Variants in TLL1 observed in about 807,000 individuals in gnomAD.
TLL1 encodes tolloid-like protein 1.
Under a neutral mutation model 128.2 loss-of-function variants are expected in TLL1, and 49 were observed. That is an observed-to-expected ratio of 0.38 (90% confidence interval 0.30 to 0.48). The LOEUF (loss-of-function observed/expected upper bound fraction) is 0.48, where lower values mean the gene tolerates loss of function less well. Ranked by LOEUF, TLL1 falls within the 20% of genes least tolerant of loss-of-function variation. The probability of loss-of-function intolerance (pLI) is 0.96; values close to 1 mark genes in which losing one functional copy is unlikely to be tolerated. For synonymous variants in TLL1, 454 were observed against 418.8 expected (o/e 1.08, Z -1.03); for missense variants, 1,123 against 1,242.0 (o/e 0.90, Z 1.44).
intron 6 of TLL1, among the ~76,000 whole-genome samples, chr4:166,004,564 G>A (rs1166669585): frequency 3.9e-5 from 6 of 152,050 alleles, no homozygotes; most frequent in African/African-American, 1.4e-4. Flanking sequence ...GTCCAAGCAA[G>A]GCATGACGAA....
chr4:165,883,173 C>A (rs2110815073), intron 1 of TLL1, among the ~76,000 whole-genome samples: 1 of 152,178 alleles, frequency 6.6e-6, no homozygotes, highest in South Asian at 2.1e-4. Flanking sequence ...TATATTAAAT[C>A]TTGTTCTTGT....
chr4:166,102,467 T>C lies in TLL1; in HGVS notation c.*1591T>C, dbSNP rs1187649877. 1 of 152,354 alleles carries C rather than the reference T, an allele frequency of 6.6e-6. No homozygotes were observed. Among genetic ancestry groups the C allele is most frequent in the Non-Finnish European group, 1.5e-5 (1 of 67,892 alleles). The allele number at this position is 152,354 out of a possible 1,614,324, so 9.4% of individuals were successfully genotyped here. On this transcript the variant is annotated 3_prime_UTR_variant, in exon 21 of 21. Coordinates refer to ENST00000061240, the MANE Select transcript of TLL1 (RefSeq NM_012464.5). The stretch of plus-strand genomic sequence containing the variant: ...TGTGCCAAGTTCTACTAGAATTCCA[T>C]TTGAAATAGCACCTTCCTTAGGTTT...
intron 1 of TLL1, among the ~76,000 whole-genome samples, chr4:165,916,623 CT>C: frequency 6.6e-6 from 1 of 152,264 alleles, no homozygotes; most frequent in Middle Eastern, 3.4e-3. Flanking sequence ...ATTCTTTCAA[CT>C]TTGCTGCATG....
At chr4:165,895,633 T>TAAAAAAAAAAAAA (rs57920393) in intron 1 of TLL1, among the ~76,000 whole-genome samples, 26 of 68,448 alleles carry the variant, frequency 3.8e-4, no homozygotes, top group African/African-American at 2.6e-3. Flanking sequence ...AGACTTTTTG[T>TAAAAAAAAAAAAA]AAAAAAAAAA....
intron 19 of TLL1, among the ~76,000 whole-genome samples, chr4:166,093,926 ATGGGGCAAAGTGGC>A (rs1313863583): frequency 3.9e-4 from 60 of 152,214 alleles, no homozygotes; most frequent in East Asian, 1.6e-3. Flanking sequence ...GAGCTCAAAG[ATGGGGCAAAGTGGC>A]TGGGGCAAAG....
chr4:165,917,966 T>A (rs1384577414), intron 1 of TLL1, among the ~76,000 whole-genome samples: 1 of 152,220 alleles, frequency 6.6e-6, no homozygotes, highest in Non-Finnish European at 1.5e-5. Flanking sequence ...AAGATGCTAC[T>A]ATTTCTTATT....
At chr4:165,935,329 A>G (rs1733713894) in intron 1 of TLL1, among the ~76,000 whole-genome samples, 1 of 152,228 alleles carries the variant, frequency 6.6e-6, no homozygotes, top group Admixed American at 6.5e-5. Flanking sequence ...CCTTAGGAAC[A>G]CACTTGGGAA....
intron 9 of TLL1, among the ~76,000 whole-genome samples, chr4:166,035,628 ATT>A (rs3047081): frequency 0.52 from 78,121 of 151,120 alleles, 20,985 homozygotes; most frequent in African/African-American, 0.67. Flanking sequence ...AAAAAGTTGT[ATT>A]TTTTTTTTCC....
At chr4:166,020,331 GTACTGTGACAACAGTATTCCA>G (rs1560815952) in intron 8 of TLL1, among the ~76,000 whole-genome samples, 3 of 150,446 alleles carry the variant, frequency 2.0e-5, no homozygotes, top group Admixed American at 1.3e-4. Flanking sequence ...TCTATTCCAT[GTACTGTGACAACAGTATTCCA>G]TATACTGTGA....
chr4:166,032,188 A>G (rs1738799468), intron 9 of TLL1, among the ~76,000 whole-genome samples: 1 of 152,116 alleles, frequency 6.6e-6, no homozygotes, highest in African/African-American at 2.4e-5. Flanking sequence ...TATTTTAGAA[A>G]ACTAGAAACT....
At chr4:165,999,047 C>T (rs929670892) in intron 5 of TLL1, among the ~76,000 whole-genome samples, 4 of 151,578 alleles carry the variant, frequency 2.6e-5, no homozygotes, top group Non-Finnish European at 5.9e-5. Context: ...CCACCTCAGC[C>T]TGGACTTTGT....
chr4:165,936,753 C>T (rs985219113), intron 1 of TLL1, among the ~76,000 whole-genome samples: 2 of 151,896 alleles, frequency 1.3e-5, no homozygotes, highest in Non-Finnish European at 2.9e-5. Context: ...CATGGTGAAA[C>T]CTTGTCTCTA....
intron 1 of TLL1, among the ~76,000 whole-genome samples, chr4:165,956,417 C>A (rs191302545): frequency 7.4e-4 from 113 of 152,142 alleles, no homozygotes; most frequent in Middle Eastern, 3.4e-3. Context: ...TAGACCTCCC[C>A]CCAGGAATGC....
At position 166,076,473 on chromosome 4, in the gene TLL1, C is replaced by A. The variant is rs6826984; in HGVS notation, c.2315-1430C>A. Among the ~76,000 whole-genome samples the A allele has an allele frequency of 8.7e-3, 1,324 of 152,224 alleles. 23 individuals are homozygous for A. Among genetic ancestry groups the A allele is most frequent in the African/African-American group, 0.029 (1,222 of 41,528 alleles). The stretch of plus-strand genomic sequence containing the variant: ...CATGTAGCCTGTGGATCACAGGTAG[C>A]AAATTTGTCTGTTCATTACATAAAT... On this transcript the variant is annotated intron_variant, in intron 17 of 20. Coordinates refer to ENST00000061240, the MANE Select transcript of TLL1 (RefSeq NM_012464.5).
At chr4:166,011,616 CT>C (rs372583443) in intron 7 of TLL1, among the ~76,000 whole-genome samples, 1,633 of 151,336 alleles carry the variant, frequency 0.011, 37 homozygotes, top group African/African-American at 0.036. Flanking sequence ...ATTTGGATGG[CT>C]TTTATTTTGC....
chr4:165,948,089 G>A (rs892113300), intron 1 of TLL1, among the ~76,000 whole-genome samples: 2 of 152,148 alleles, frequency 1.3e-5, no homozygotes, highest in Non-Finnish European at 2.9e-5. Context: ...GATCCACAGA[G>A]GAGTTTTCCC....
rs146765320 is a variant in TLL1 at position 165,932,667 on chromosome 4, G to A, written c.170-56714G>A. On this transcript the variant is annotated intron_variant, in intron 1 of 20. Transcript: ENST00000061240. Reference sequence around the variant, plus strand: ...TTCTTTTTTTTTTTAGAGTTTGTTTGTAATCTGTTGTTATTGAAGAGATTT... The same window carrying A: ...TTCTTTTTTTTTTTAGAGTTTGTTTATAATCTGTTGTTATTGAAGAGATTT... Among the ~76,000 whole-genome samples, 1,111 of 151,150 alleles carry A rather than the reference G, an allele frequency of 7.4e-3. 7 individuals are homozygous for A. Among genetic ancestry groups the A allele is most frequent in the Admixed American group, 0.011 (174 of 15,178 alleles).
chr4:166,049,680 T>G (rs564721631), intron 12 of TLL1, among the ~76,000 whole-genome samples: 4 of 150,736 alleles, frequency 2.7e-5, no homozygotes, highest in African/African-American at 9.7e-5. Context: ...ATATTACTAC[T>G]AATAAATATT....
intron 13 of TLL1, 125 bp downstream of exon 13, chr4:166,055,396 GGA>G (rs1739957320): frequency 2.4e-6 from 2 of 835,536 alleles, no homozygotes; most frequent in Admixed American, 2.2e-5. Context: ...AGGATATTTT[GGA>G]GAGTTTCGAT....
Sources: gnomAD v4.1 joint callset for allele counts (sites outside exome capture counted in the v4.1 genomes callset) on GRCh38, gnomAD v4.1.1 for gene constraint, MANE v1.5 for transcripts, NCBI Gene and HGNC (gene_info 2026-07-23, HGNC 2026-07-21) for gene names.